NF1: variants seen among roughly 807,000 people sequenced by gnomAD.
NF1 encodes neurofibromin.
In NF1, 122 loss-of-function variants were observed where a neutral mutation model predicts 325.7. The ratio of observed to expected loss-of-function variants is 0.37; its 90% CI spans 0.32 to 0.44. The LOEUF is 0.44. Ranked by LOEUF, NF1 falls within the 20% of genes least tolerant of loss-of-function variation. NF1 has a pLI of 1.00. For synonymous variants in NF1, 1,091 were observed against 1,186.0 expected, an observed-to-expected ratio of 0.92 and a Z score of 1.65; for missense variants, 2,140 against 3,415.4, an observed-to-expected ratio of 0.63 and a Z score of 9.31.
In NF1 at chr17:31,340,488, CAT is replaced by C. The variant is rs146785663; in HGVS notation, c.6922-14_6922-13del. 668 of 1,614,154 alleles carry C rather than the reference CAT, an allele frequency of 4.1e-4. 5 individuals carry two copies. The African/African-American group carries it at 7.9e-3, about 19-fold the overall frequency. On this transcript the variant is annotated splice_polypyrimidine_tract_variant and intron_variant, in intron 46 of 57. Coordinates refer to ENST00000358273, the MANE Select transcript of NF1 (RefSeq NM_001042492.3). ...CATGATTCATCTTACTAGCCTCAAA[CAT>C]ATCTTCTTTGCCAGGACTCGCCTCT...
At chr17:31,196,352 A>T (rs2143852066) in intron 8 of NF1, among the ~76,000 whole-genome samples, 1 of 150,016 alleles carries the variant, frequency 6.7e-6, no homozygotes, top group Middle Eastern at 3.4e-3. Flanking sequence ...TCAGTTTTTA[A>T]AAAAACTGTA....
chr17:31,297,265 A>G (rs1417181552), intron 36 of NF1: 2 of 152,340 alleles, frequency 1.3e-5, no homozygotes, highest in African/African-American at 2.4e-5. Context: ...TTGCCTGCTC[A>G]GCTGCATTGT....
chr17:31,284,349 C>T (rs1390120786), intron 36 of NF1, among the ~76,000 whole-genome samples: 1 of 152,056 alleles, frequency 6.6e-6, no homozygotes, highest in Non-Finnish European at 1.5e-5. Context: ...ATGGTGAGAT[C>T]TCAGCTCACT....
intron 11 of NF1, among the ~76,000 whole-genome samples, chr17:31,203,791 T>A (rs1486699428): frequency 6.6e-6 from 1 of 152,136 alleles, no homozygotes; most frequent in Admixed American, 6.5e-5. Context: ...TTTTAAAGCA[T>A]CACATTCTCA....
chr17:31,308,449 T>C lies in NF1; in HGVS notation c.4836-17371T>C, dbSNP rs572483973. Among the ~76,000 whole-genome samples, 10 of 152,262 alleles carry C rather than the reference T, an allele frequency of 6.6e-5. 1 individual carries two copies. In the South Asian group the frequency reaches 1.9e-3, roughly 28 times the overall value. ...AGCCACCACGCCTGGCCTGTTAAGATAAAACTTCTAAATTGAGTTTTCTTC... is the reference window on the plus strand; with the variant it reads ...AGCCACCACGCCTGGCCTGTTAAGACAAAACTTCTAAATTGAGTTTTCTTC... On this transcript the variant is annotated intron_variant, in intron 36 of 57. Coordinates refer to ENST00000358273, the MANE Select transcript of NF1 (RefSeq NM_001042492.3).
chr17:31,243,941 G>A (rs2067347886), intron 29 of NF1, among the ~76,000 whole-genome samples: 1 of 151,694 alleles, frequency 6.6e-6, no homozygotes, highest in African/African-American at 2.4e-5. Context: ...AAGCCAGCAT[G>A]TCTCCAAGTC....
intron 36 of NF1, chr17:31,305,499 G>T: frequency 6.2e-7 from 1 of 1,614,196 alleles, no homozygotes; most frequent in Non-Finnish European, 8.5e-7. Flanking sequence ...TTGATGATGT[G>T]AATAAGGTAG....
At chr17:31,288,337 T>C (rs1380739377) in intron 36 of NF1, among the ~76,000 whole-genome samples, 1 of 152,100 alleles carries the variant, frequency 6.6e-6, no homozygotes, top group African/African-American at 2.4e-5. Context: ...GTTTTCTAAA[T>C]GTGAAACATA....
intron 36 of NF1, among the ~76,000 whole-genome samples, chr17:31,325,227 C>T (rs766998397): frequency 6.6e-6 from 1 of 152,146 alleles, no homozygotes; most frequent in South Asian, 2.1e-4. Flanking sequence ...TTCTCAGCTC[C>T]TTCTCTTCAG....
chr17:31,230,150 T>A (rs1442144637), intron 22 of NF1, 110 bp from the exon 23 acceptor site: 55 of 1,434,918 alleles, frequency 3.8e-5, no homozygotes, highest in Non-Finnish European at 1.3e-5. Flanking sequence ...AAATATCTTA[T>A]TGTTTTCAAA....
At chr17:31,335,579 C>T (rs575714361) in intron 40 of NF1, among the ~76,000 whole-genome samples, 2 of 151,504 alleles carry the variant, frequency 1.3e-5, no homozygotes, top group South Asian at 4.2e-4. Flanking sequence ...GAAATAATGC[C>T]CTCACTCAAA....
intron 30 of NF1, among the ~76,000 whole-genome samples, chr17:31,249,686 C>T (rs193016024): frequency 8.5e-5 from 13 of 152,310 alleles, no homozygotes; most frequent in African/African-American, 2.2e-4. Context: ...GCAAGTAATG[C>T]GTCTGAACTC....
At chr17:31,108,899 T>TA (rs1161760304) in intron 1 of NF1, among the ~76,000 whole-genome samples, 1 of 152,204 alleles carries the variant, frequency 6.6e-6, no homozygotes, top group Non-Finnish European at 1.5e-5. Flanking sequence ...GACATAATGT[T>TA]ACCTGCACTT....
rs17881903 is a variant in NF1, at chr17:31,350,271, T to C, written c.7410T>C (p.Asn2470=). 138 of 1,613,608 alleles carry C rather than the reference T, an allele frequency of 8.6e-5. No individual in the cohort carries two copies. In the African/African-American group the frequency reaches 1.7e-3, roughly 20 times the overall value. ...TTCTTACTGATATTTCAATGGAAAA[T>C]GTTCCTATGGATACATATCCCATTC... ...SLLLTDISME[N]VPMDTYPIHH... is the part of the protein sequence containing the mutation. Residue 2470 remains asparagine, a synonymous_variant, in exon 50 of 58, where the codon AAT becomes AAC. Coordinates refer to ENST00000358273, the MANE Select transcript of NF1 (RefSeq NM_001042492.3).
chr17:31,372,074 A>G (rs1466862342), intron 57 of NF1, among the ~76,000 whole-genome samples: 1 of 152,244 alleles, frequency 6.6e-6, no homozygotes, highest in Admixed American at 6.5e-5. Flanking sequence ...TCTTGACTTG[A>G]AATATTACTT....
In NF1 at chr17:31,350,338, T is replaced by A. The variant is rs778619964; in HGVS notation, c.7457+20T>A. ...CTATAGGTAAGTGGATTTACTCTCC[T>A]ATAATTACATAATCATAATCAAGTT... is the stretch of plus-strand genomic sequence containing the variant. On this transcript the variant is annotated intron_variant, in intron 50 of 57. Transcript: ENST00000358273. 1.0e-5 allele frequency: 16 copies of A among 1,603,098 alleles called. No homozygotes were observed. Among genetic ancestry groups the A allele is most frequent in the Middle Eastern group, 1.7e-4 (1 of 6,046 alleles).
intron 36 of NF1, chr17:31,305,645 T>C (rs1268611847): frequency 5.1e-6 from 8 of 1,573,760 alleles, no homozygotes; most frequent in Admixed American, 1.9e-5. Context: ...AGCGGGTTTA[T>C]AATGAAAGAG....
intron 13 of NF1, among the ~76,000 whole-genome samples, chr17:31,218,439 A>G (rs1202677983): frequency 1.3e-5 from 2 of 152,204 alleles, no homozygotes; most frequent in African/African-American, 4.8e-5. Flanking sequence ...TAAAAATACT[A>G]TACCCACATA....
Position 31,311,228 on chromosome 17 carries a change from T to C in NF1, c.4836-14592T>C, listed in dbSNP as rs1233174178. On this transcript the variant is annotated intron_variant, in intron 36 of 57. Transcript: ENST00000358273. Reference sequence around the variant, plus strand: ...TTGGCCTCCCAAAGTGCTGGAATTATAGGCATGAGCCACCGAGCCCGGCCA... The same window carrying C: ...TTGGCCTCCCAAAGTGCTGGAATTACAGGCATGAGCCACCGAGCCCGGCCA... Among the ~76,000 whole-genome samples, 7 of 152,078 alleles carry C rather than the reference T, an allele frequency of 4.6e-5. No individual in the cohort carries two copies. In the East Asian group the frequency reaches 1.2e-3, roughly 25 times the overall value.
Sources: gnomAD v4.1 joint callset for allele counts (sites outside exome capture counted in the v4.1 genomes callset) on GRCh38, gnomAD v4.1.1 for gene constraint, MANE v1.5 for transcripts, NCBI Gene and HGNC (gene_info 2026-07-23, HGNC 2026-07-21) for gene names.